Variants in RNF14 observed in about 807,000 individuals in gnomAD.
The protein encoded by RNF14 is E3 ubiquitin-protein ligase RNF14.
RNF14 carries 26 observed loss-of-function variants against 52.6 expected under a neutral mutation model. That is an observed-to-expected ratio of 0.49 (90% CI 0.36 to 0.69). The LOEUF (loss-of-function observed/expected upper bound fraction) is 0.69, where lower values mean the gene tolerates loss of function less well. Ranked by LOEUF, RNF14 falls within the 30% of genes least tolerant of loss-of-function variation. The pLI is 0.00. For synonymous variants in RNF14, 194 were observed against 202.0 expected (o/e 0.96, Z 0.34); for missense variants, 404 against 560.4 (o/e 0.72, Z 2.82).
chr5:141,960,715 A>G (rs1012634817), intron 1 of RNF14, among the ~76,000 whole-genome samples: 2 of 152,206 alleles, frequency 1.3e-5, no homozygotes, highest in Non-Finnish European at 2.9e-5. Context: ...CAGCCATACC[A>G]TCACATTGAA....
chr5:141,954,919 GT>G, upstream of RNF14: 1 of 1,553,080 alleles, frequency 6.4e-7, no homozygotes, highest in Non-Finnish European at 8.7e-7. Flanking sequence ...GTCTGATTCT[GT>G]TTCTGGTGGT....
chr5:141,986,050 G>A (rs962070496), intron 8 of RNF14, among the ~76,000 whole-genome samples: 8 of 152,176 alleles, frequency 5.3e-5, no homozygotes, highest in African/African-American at 1.9e-4. Context: ...TGTGTATTCC[G>A]TATTGGATCA....
intron 1 of RNF14, among the ~76,000 whole-genome samples, chr5:141,970,413 T>G (rs1038281452): frequency 6.6e-6 from 1 of 152,028 alleles, no homozygotes; most frequent in Admixed American, 6.5e-5. Flanking sequence ...CTGAAGAGAT[T>G]GTTTGTTATG....
chr5:141,950,553 C>A, the RNF14 span, among the ~76,000 whole-genome samples: 1 of 152,146 alleles, frequency 6.6e-6, no homozygotes, highest in Non-Finnish European at 1.5e-5. Flanking sequence ...AAAACCAAGA[C>A]TTGTGAAGAT....
chr5:141,957,723 A>G (rs1753211288), upstream of RNF14: 1 of 1,613,954 alleles, frequency 6.2e-7, no homozygotes, highest in Non-Finnish European at 8.5e-7. This position sits in a 1 kb window ranked among gnomAD's most constrained non-coding sequence, Gnocchi z 4.3. Flanking sequence ...CGATCACTGT[A>G]CCAGATGGCA....
At chr5:141,959,167 TAC>T in intron 1 of RNF14, 1 of 152,500 alleles carries the variant, frequency 6.6e-6, no homozygotes, top group Non-Finnish European at 1.5e-5. Context: ...GAAGCTTTTA[TAC>T]GTTTCCCTCT....
At chr5:141,955,997 T>C (rs755929638), upstream of RNF14, 1 of 1,614,136 alleles carries the variant, frequency 6.2e-7, no homozygotes, top group Non-Finnish European at 8.5e-7. The surrounding 1 kb of genome is among the most constrained non-coding windows in gnomAD (Gnocchi z 5.5). Flanking sequence ...ACAATGGTTG[T>C]CAAAAGGAAT....
upstream of RNF14, among the ~76,000 whole-genome samples, chr5:141,962,340 A>G (rs999691153): frequency 6.6e-6 from 1 of 152,250 alleles, no homozygotes; most frequent in Non-Finnish European, 1.5e-5. Context: ...CAGTTCTCAA[A>G]AGGGTCCAGA....
At chr5:141,974,611 ATTT>A (rs996869955) in intron 3 of RNF14, among the ~76,000 whole-genome samples, 190 bp from the exon 4 acceptor site, 2 of 152,204 alleles carry the variant, frequency 1.3e-5, no homozygotes, top group Admixed American at 1.3e-4. Flanking sequence ...GGTGCTGTAG[ATTT>A]TTCAAGGGCT....
chr5:141,971,563 TTTTCTTTCTTTCTTTCTTTC>T (rs746341507), intron 2 of RNF14, among the ~76,000 whole-genome samples: 6,980 of 54,730 alleles, frequency 0.13, 214 homozygotes, highest in African/African-American at 0.21. Flanking sequence ...GCTAATTTCT[TTTTCTTTCTTTCTTTCTTTC>T]TTTCTTTCTT....
At chr5:141,955,331 C>T, upstream of RNF14, 1 of 1,614,208 alleles carries the variant, frequency 6.2e-7, no homozygotes, top group Non-Finnish European at 8.5e-7. The surrounding 1 kb of genome is among the most constrained non-coding windows in gnomAD (Gnocchi z 5.5). Flanking sequence ...TCTTGCAGCA[C>T]CTCTCGGCTC....
upstream of RNF14, chr5:141,956,568 G>A (rs763719034): frequency 3.0e-5 from 49 of 1,614,112 alleles, no homozygotes; most frequent in South Asian, 4.4e-4. Flanking sequence ...CTAACAGAGT[G>A]AGGGTATATT....
At chr5:141,986,510 C>G (rs1486029008) in intron 8 of RNF14, among the ~76,000 whole-genome samples, 4 of 152,214 alleles carry the variant, frequency 2.6e-5, no homozygotes. Context: ...CTTCCCCAGT[C>G]TTGCCTTATT....
intron 6 of RNF14, among the ~76,000 whole-genome samples, chr5:141,980,590 G>C (rs1191464678): frequency 6.6e-6 from 1 of 152,198 alleles, no homozygotes; most frequent in Non-Finnish European, 1.5e-5. Flanking sequence ...AGGATATTAG[G>C]TGGTGGTAAG....
chr5:141,974,740 T>C, intron 3 of RNF14, 64 bp from the exon 4 acceptor site: 6 of 1,510,894 alleles, frequency 4.0e-6, no homozygotes, highest in Non-Finnish European at 4.6e-6. Context: ...TGAGCGCTGC[T>C]CAACAGTAGT....
chr5:141,970,824 G>T lies in RNF14; in HGVS notation c.-60G>T, dbSNP rs961289097. 4.6e-5 allele frequency: 7 copies of T among 152,306 alleles called. No homozygotes were observed. The highest frequency in any genetic ancestry group is 1.2e-4 in the African/African-American group (5 of 41,420). 9.4% of individuals were successfully genotyped at this position (152,306 alleles called of 1,614,324 possible). Reference sequence around the variant, plus strand: ...GGGATTTGCATGAACTCCACTCTGAGCTGAAATACAGACTGCGGTGTTAAT... The same window carrying T: ...GGGATTTGCATGAACTCCACTCTGATCTGAAATACAGACTGCGGTGTTAAT... On this transcript the variant is annotated 5_prime_UTR_variant, in exon 2 of 9. Coordinates refer to ENST00000394520, the MANE Select transcript of RNF14 (RefSeq NM_004290.5).
intron 2 of RNF14, among the ~76,000 whole-genome samples, chr5:141,971,632 T>G: frequency 1.7e-5 from 1 of 59,476 alleles, no homozygotes; most frequent in African/African-American, 5.0e-5. Context: ...TCTTTCTTTC[T>G]TTCCTTTTTT....
intron 7 of RNF14, among the ~76,000 whole-genome samples, chr5:141,984,290 G>T (rs1046024234): frequency 7.9e-5 from 12 of 151,426 alleles, no homozygotes; most frequent in Non-Finnish European, 1.5e-4. Context: ...TAGAGACAGG[G>T]TTTCACCATG....
intron 2 of RNF14, among the ~76,000 whole-genome samples, chr5:141,971,598 T>TC (rs763292887): frequency 1.9e-5 from 2 of 107,126 alleles, no homozygotes; most frequent in Non-Finnish European, 3.9e-5. Flanking sequence ...TTTCTTTCTT[T>TC]CTTTCTTTCT....
Sources: gnomAD v4.1 joint callset for allele counts (sites outside exome capture counted in the v4.1 genomes callset) on GRCh38, gnomAD v4.1.1 for gene constraint, Gnocchi (gnomAD v3.1) non-coding constraint, MANE v1.5 for transcripts, NCBI Gene and HGNC (gene_info 2026-07-23, HGNC 2026-07-21) for gene names.